DNAH8: variants seen among roughly 807,000 people sequenced by gnomAD.
DNAH8 encodes the protein dynein axonemal heavy chain 8, also known as axonemal beta dynein heavy chain 8.
DNAH8 carries 382 observed loss-of-function variants against 562.1 expected under a neutral mutation model. The ratio of observed to expected loss-of-function variants is 0.68; its 90% CI spans 0.63 to 0.74. DNAH8 has a LOEUF of 0.74. DNAH8 is among the 30% of genes least tolerant of loss of function. The pLI, the probability that DNAH8 is intolerant of heterozygous loss-of-function variation, is 0.00. For synonymous variants in DNAH8, 1,881 were observed against 1,919.4 expected (o/e 0.98, Z 0.52); for missense variants, 5,203 against 5,620.4 (o/e 0.93, Z 2.37).
intron 30 of DNAH8, among the ~76,000 whole-genome samples, chr6:38,828,988 A>G (rs1420827495): frequency 1.3e-5 from 2 of 152,150 alleles, no homozygotes; most frequent in Non-Finnish European, 2.9e-5. Flanking sequence ...CATACAATAT[A>G]TGGTCTTTCG....
rs6935293 is a variant in DNAH8 at position 38,737,167 on chromosome 6, A to G, written c.863A>G (p.Asn288Ser). Residue 288 changes from asparagine to serine, a missense_variant, in exon 6 of 93, where the codon AAC becomes AGC. Coordinates refer to ENST00000327475, the MANE Select transcript of DNAH8 (RefSeq NM_001206927.2). ...CTACCAGCTGTTCTTGCAACAAACA[A>G]CTGGGGTGCTTTAAACCAGTCCAAG... ...IFLPAVLATN[N>S]WGALNQSKQG... is the part of the protein sequence containing the mutation. 66,557 of 1,582,706 alleles carry G rather than the reference A, an allele frequency of 0.042. 1,721 individuals carry two copies. The highest frequency in any genetic ancestry group is 0.11 in the East Asian group (4,906 of 42,984).
intron 10 of DNAH8, among the ~76,000 whole-genome samples, chr6:38,760,284 A>G (rs1244027677): frequency 1.3e-5 from 2 of 152,158 alleles, no homozygotes; most frequent in African/African-American, 2.4e-5. Flanking sequence ...TAAATTCGAC[A>G]TCATTGTCTC....
chr6:38,832,381 G>A lies in DNAH8; in HGVS notation c.4248G>A (p.Glu1416=). The A allele has an allele frequency of 6.2e-7, 1 of 1,613,932 alleles. No individual in the cohort carries two copies. Among genetic ancestry groups the A allele is most frequent in the Non-Finnish European group, 8.5e-7 (1 of 1,179,870 alleles). ...VQPKFKSNLL[E]SVEVFREDVI... ...CAAAGTTTAAAAGCAATCTACTTGA[G>A]TCTGTGGAAGTTTTTCGTGAGGACG... Residue 1416 remains glutamate, a synonymous_variant, in exon 31 of 93, where the codon GAG becomes GAA. Coordinates refer to ENST00000327475, the MANE Select transcript of DNAH8 (RefSeq NM_001206927.2).
intron 25 of DNAH8, among the ~76,000 whole-genome samples, chr6:38,814,867 A>G (rs906315562): frequency 6.6e-6 from 1 of 152,278 alleles, no homozygotes; most frequent in Middle Eastern, 3.4e-3. Flanking sequence ...CATGGCACTT[A>G]TCTTTACAAC....
At position 38,899,922 on chromosome 6, in the gene DNAH8, A is replaced by G. The variant is rs1359954070; in HGVS notation, c.9194+16A>G. On this transcript the variant is annotated intron_variant, in intron 62 of 92. Coordinates refer to ENST00000327475, the MANE Select transcript of DNAH8 (RefSeq NM_001206927.2). ...CATTAACCAGGTAGGATGAAATAAAACACAATATGTTTTTCTATAGTTAAT... is the reference window on the plus strand; with the variant it reads ...CATTAACCAGGTAGGATGAAATAAAGCACAATATGTTTTTCTATAGTTAAT... 7 of 1,540,428 alleles carry G rather than the reference A, an allele frequency of 4.5e-6. No homozygotes were observed. Among genetic ancestry groups the G allele is most frequent in the Admixed American group, 2.2e-5 (1 of 45,940 alleles).
chr6:38,949,651 C>T lies in DNAH8; in HGVS notation c.12248+81C>T. On this transcript the variant is annotated intron_variant, in intron 81 of 92. Transcript: ENST00000327475. ...AGATTTTATCTCAGTGAGTTTACTT[C>T]ACTATATCACTGTCATTGAAAGTAA... The T allele has an allele frequency of 4.9e-6, 4 of 823,206 alleles. No homozygotes were observed. The East Asian group carries it at 1.0e-4, about 21-fold the overall frequency. 51.0% of individuals were successfully genotyped at this position (823,206 alleles called of 1,614,324 possible).
intron 13 of DNAH8, among the ~76,000 whole-genome samples, chr6:38,776,597 T>C (rs1768103106): frequency 6.6e-6 from 1 of 151,602 alleles, no homozygotes; most frequent in Non-Finnish European, 1.5e-5. Context: ...CATTATTCTT[T>C]ATCAAGTGTG....
chr6:38,877,809 A>G (rs546212928), intron 53 of DNAH8, among the ~76,000 whole-genome samples: 3 of 152,342 alleles, frequency 2.0e-5, no homozygotes, highest in East Asian at 3.9e-4. Context: ...TTAACCTCTT[A>G]TATTAAAAAT....
intron 58 of DNAH8, among the ~76,000 whole-genome samples, chr6:38,894,265 T>C (rs1456240479): frequency 6.6e-6 from 1 of 152,224 alleles, no homozygotes; most frequent in Admixed American, 6.5e-5. Context: ...ATAGCCATTA[T>C]TAACTTTAAA....
chr6:39,013,872 AAGAGAGAGAG>A (rs760096683), intron 91 of DNAH8, among the ~76,000 whole-genome samples: 23 of 106,978 alleles, frequency 2.1e-4, no homozygotes, highest in Admixed American at 6.0e-4. Context: ...GAGAGAGAGA[AAGAGAGAGAG>A]AGAGAGAGAA....
intron 7 of DNAH8, among the ~76,000 whole-genome samples, chr6:38,740,689 A>G (rs1449766221): frequency 6.6e-6 from 1 of 152,086 alleles, no homozygotes; most frequent in Non-Finnish European, 1.5e-5. Context: ...ATCATAGCTC[A>G]CTGCAGCCTC....
At chr6:38,715,952 A>ATTTT (rs1562521236) in intron 1 of DNAH8, among the ~76,000 whole-genome samples, 1 of 25,714 alleles carries the variant, frequency 3.9e-5, no homozygotes, top group African/African-American at 1.8e-4. Flanking sequence ...ATATATATAT[A>ATTTT]TATATATATT....
intron 88 of DNAH8, among the ~76,000 whole-genome samples, chr6:39,003,743 A>T (rs546500965): frequency 1.3e-5 from 2 of 152,152 alleles, no homozygotes; most frequent in African/African-American, 4.8e-5. Flanking sequence ...CTTTACTAGG[A>T]TTTATTATTA....
chr6:38,837,097 A>C (rs1469311979), intron 32 of DNAH8, among the ~76,000 whole-genome samples: 1 of 152,196 alleles, frequency 6.6e-6, no homozygotes, highest in Non-Finnish European at 1.5e-5. Flanking sequence ...ACCACCAAGG[A>C]ATACACAAAG....
intron 88 of DNAH8, among the ~76,000 whole-genome samples, chr6:38,995,262 A>G (rs1387427038): frequency 6.6e-6 from 1 of 152,202 alleles, no homozygotes; most frequent in Non-Finnish European, 1.5e-5. Context: ...TCTGAAATTA[A>G]TACCACTGGG....
At position 38,990,311 on chromosome 6, in the gene DNAH8, T is replaced by A. The variant is rs1764694634; in HGVS notation, c.13214+139T>A. ...CTGTGAAAAATAGTGTCGCTTCCTG[T>A]CTCCCAATTACAACTTTGTCATATC... On this transcript the variant is annotated intron_variant, in intron 88 of 92. Coordinates refer to ENST00000327475, the MANE Select transcript of DNAH8 (RefSeq NM_001206927.2). The A allele has an allele frequency of 9.4e-6, 6 of 640,908 alleles. No individual in the cohort carries two copies. In the South Asian group the frequency reaches 1.3e-4, roughly 14 times the overall value. 39.7% of individuals were successfully genotyped at this position (640,908 alleles called of 1,614,324 possible).
At chr6:38,946,257 A>G (rs1230960964) in intron 80 of DNAH8, among the ~76,000 whole-genome samples, 1 of 152,224 alleles carries the variant, frequency 6.6e-6, no homozygotes, top group African/African-American at 2.4e-5. Context: ...AGTGACTGAC[A>G]GATGGGGCCA....
chr6:38,932,036 T>C, intron 76 of DNAH8, 43 bp downstream of exon 76: 8 of 1,351,306 alleles, frequency 5.9e-6, no homozygotes, highest in Non-Finnish European at 6.8e-6. Context: ...TTATAATACA[T>C]GCTTAAAATG....
chr6:38,827,742 T>A lies in DNAH8; in HGVS notation c.4084-442T>A, dbSNP rs1773484079. Among the ~76,000 whole-genome samples the A allele has an allele frequency of 4.6e-5, 3 of 65,444 alleles. 1 individual carries two copies. Among genetic ancestry groups the A allele is most frequent in the African/African-American group, 1.2e-4 (2 of 16,214 alleles). The allele number at this position is 65,444 out of a possible 152,430, so 42.9% of individuals were successfully genotyped here. A position where few individuals can be genotyped will look rare whatever the true frequency, so the allele number is the denominator to read the frequency against. On this transcript the variant is annotated intron_variant, in intron 29 of 92. Transcript: ENST00000327475. ...TTAATTCTTTACCAAACTTTTTTTTTTTTTTTTTTTTTTTTTTTTTTTTTT... is the reference window on the plus strand; with the variant it reads ...TTAATTCTTTACCAAACTTTTTTTTATTTTTTTTTTTTTTTTTTTTTTTTT...
Sources: gnomAD v4.1 joint callset for allele counts (sites outside exome capture counted in the v4.1 genomes callset) on GRCh38, gnomAD v4.1.1 for gene constraint, MANE v1.5 for transcripts, NCBI Gene and HGNC (gene_info 2026-07-23, HGNC 2026-07-21) for gene names.